ZSCAN5A: variants seen among roughly 807,000 people sequenced by gnomAD.
ZSCAN5A encodes the protein zinc finger and SCAN domain containing 5A, also known as zinc finger and SCAN domain-containing protein 5A.
In ZSCAN5A, 12 loss-of-function variants were observed where a neutral mutation model predicts 23.7. The ratio of observed to expected loss-of-function variants is 0.51; its 90% CI spans 0.32 to 0.82. The LOEUF is 0.82. Among genes scored for constraint, ZSCAN5A ranks in the 40% least tolerant of loss-of-function variants. The pLI is 0.03. For missense variants in ZSCAN5A, 597 were observed against 617.9 expected (o/e 0.97, Z 0.36); for synonymous variants, 257 against 239.9 (o/e 1.07, Z -0.66).
chr19:56,354,016 T>C (rs2869163), intron 2 of ZSCAN5A, among the ~76,000 whole-genome samples: 5,538 of 152,228 alleles, frequency 0.036, 337 homozygotes, highest in African/African-American at 0.13. Context: ...GAGGGCACTA[T>C]ACTATGTAAA....
At chr19:56,225,775 A>G (rs1394468298) in intron 2 of ZSCAN5A, among the ~76,000 whole-genome samples, 3 of 152,146 alleles carry the variant, frequency 2.0e-5, no homozygotes, top group Admixed American at 6.5e-5. Context: ...ACCATGTTGT[A>G]CAACCATTAC....
intron 2 of ZSCAN5A, among the ~76,000 whole-genome samples, chr19:56,256,441 A>G (rs910017161): frequency 6.6e-6 from 1 of 152,022 alleles, no homozygotes; most frequent in Non-Finnish European, 1.5e-5. Flanking sequence ...TGATCCTCCC[A>G]CCTTAGCCTC....
At chr19:56,334,761 C>G (rs1267040722) in intron 2 of ZSCAN5A, among the ~76,000 whole-genome samples, 1 of 151,818 alleles carries the variant, frequency 6.6e-6, no homozygotes, top group Non-Finnish European at 1.5e-5. Flanking sequence ...GAAAAGTGGC[C>G]AAATTATTAA....
chr19:56,270,892 A>G (rs752066223), intron 2 of ZSCAN5A, among the ~76,000 whole-genome samples: 2 of 152,182 alleles, frequency 1.3e-5, no homozygotes, highest in Non-Finnish European at 2.9e-5. Context: ...AGCTGTGCCA[A>G]TGGTGAGAAA....
intron 2 of ZSCAN5A, among the ~76,000 whole-genome samples, chr19:56,242,732 C>CTCAT (rs1386403545): frequency 6.6e-6 from 1 of 152,188 alleles, no homozygotes. Context: ...TGTGTCCTGC[C>CTCAT]TAATGAAACT....
chr19:56,244,286 C>G (rs1334366545), intron 2 of ZSCAN5A: 1 of 1,609,936 alleles, frequency 6.2e-7, no homozygotes, highest in African/African-American at 1.3e-5. Flanking sequence ...CACCAAAGAG[C>G]AGATCCTGGA....
chr19:56,334,108 C>A (rs2041513851), intron 2 of ZSCAN5A, among the ~76,000 whole-genome samples: 1 of 152,142 alleles, frequency 6.6e-6, no homozygotes, highest in African/African-American at 2.4e-5. Flanking sequence ...TGGGCAGGCC[C>A]ATGTACAGGC....
chr19:56,346,064 G>C (rs2041629923), intron 2 of ZSCAN5A, among the ~76,000 whole-genome samples: 1 of 151,444 alleles, frequency 6.6e-6, no homozygotes. Context: ...TCATGCAGCA[G>C]AGGGTGCAAG....
At chr19:56,243,480 C>T (rs2035594302) in intron 2 of ZSCAN5A, among the ~76,000 whole-genome samples, 1 of 152,124 alleles carries the variant, frequency 6.6e-6, no homozygotes, top group African/African-American at 2.4e-5. Context: ...CTGGGGTTAA[C>T]AAGAAAAGGT....
chr19:56,326,661 TG>T (rs1305281080), intron 2 of ZSCAN5A, among the ~76,000 whole-genome samples: 1 of 152,120 alleles, frequency 6.6e-6, no homozygotes, highest in Non-Finnish European at 1.5e-5. Flanking sequence ...TAACTGCAAA[TG>T]ACACCCCCAC....
chr19:56,223,071 C>A (rs1243688112), intron 4 of ZSCAN5A, among the ~76,000 whole-genome samples: 5 of 152,166 alleles, frequency 3.3e-5, no homozygotes, highest in Admixed American at 6.5e-5. Flanking sequence ...CGAGGCCCCT[C>A]AGCTGTGGCA....
intron 2 of ZSCAN5A, among the ~76,000 whole-genome samples, chr19:56,303,676 T>C (rs2040493208): frequency 6.6e-6 from 1 of 152,082 alleles, no homozygotes; most frequent in African/African-American, 2.4e-5. Context: ...ATAAGGTCCT[T>C]GAGTCCCCAG....
chr19:56,249,978 A>T (rs2036226297), intron 2 of ZSCAN5A, among the ~76,000 whole-genome samples: 1 of 152,244 alleles, frequency 6.6e-6, no homozygotes, highest in Non-Finnish European at 1.5e-5. Context: ...GAACTCCGGA[A>T]ATAGGCTGGA....
chr19:56,304,752 C>T (rs938081835), intron 2 of ZSCAN5A: 1 of 984,368 alleles, frequency 1.0e-6, no homozygotes, highest in Non-Finnish European at 1.2e-6. Context: ...CTCACCCCAA[C>T]TGTTTCTTTC....
Position 56,221,915 on chromosome 19 carries a change from AAG to A in ZSCAN5A, c.1149_1150del (p.Phe384SerfsTer3). 1 of 1,614,204 alleles carries A rather than the reference AAG, an allele frequency of 6.2e-7. No individual in the cohort carries two copies. Among genetic ancestry groups the A allele is most frequent in the Non-Finnish European group, 8.5e-7 (1 of 1,180,040 alleles). The stretch of plus-strand genomic sequence containing the variant: ...GCGCTTCCCACAGAGATTACATTGA[AAG>A]AGTCTCTCGCCTGTGTGTGATCTCT... On this transcript the variant is annotated frameshift_variant, in exon 6 of 6. Transcript: ENST00000683990. LOFTEE classifies it low-confidence loss of function (END_TRUNC).
intron 2 of ZSCAN5A, among the ~76,000 whole-genome samples, chr19:56,238,145 TACAC>T (rs751265807): frequency 1.2e-4 from 10 of 85,750 alleles, no homozygotes; most frequent in South Asian, 4.0e-4. Flanking sequence ...CACATGGACA[TACAC>T]ACATACGCAC....
At chr19:56,247,017 C>T in intron 2 of ZSCAN5A, 1 of 1,051,244 alleles carries the variant, frequency 9.5e-7, no homozygotes. Context: ...CAGGTGCAGT[C>T]AGTCACCCCA....
rs1188841347 is a variant in ZSCAN5A at position 56,251,893 on chromosome 19, G to T, written c.-127-26720C>A. ...TTGTTTTTTATATTTTTAAAGTGTG[G>T]TAATATGAGCAAACCAGAGAAGAAT... On this transcript the variant is annotated intron_variant, in intron 2 of 5. Coordinates refer to ENST00000683990, the MANE Select transcript of ZSCAN5A (RefSeq NM_001322064.3). Among the ~76,000 whole-genome samples, 5 of 152,262 alleles carry T rather than the reference G, an allele frequency of 3.3e-5. No homozygotes were observed. In the East Asian group the frequency reaches 9.6e-4, roughly 29 times the overall value.
At chr19:56,312,118 A>C (rs1038628472) in intron 2 of ZSCAN5A, 1 of 152,238 alleles carries the variant, frequency 6.6e-6, no homozygotes, top group Non-Finnish European at 1.5e-5. Context: ...TAATGAGATC[A>C]GTTATATCCT....
Sources: gnomAD v4.1 joint callset for allele counts (sites outside exome capture counted in the v4.1 genomes callset) on GRCh38, gnomAD v4.1.1 for gene constraint, MANE v1.5 for transcripts, NCBI Gene and HGNC (gene_info 2026-07-23, HGNC 2026-07-21) for gene names.